KMT2D: variants seen among roughly 807,000 people sequenced by gnomAD.
The protein encoded by KMT2D is histone-lysine N-methyltransferase 2D.
Under a neutral mutation model 512.7 loss-of-function variants are expected in KMT2D, and 55 were observed. The observed-to-expected ratio is 0.11, with a 90% CI of 0.09 to 0.13. KMT2D has a LOEUF of 0.13. Ranked by LOEUF, KMT2D falls within the 10% of genes least tolerant of loss-of-function variation. The pLI is 1.00. For missense variants in KMT2D, 6,061 were observed against 7,127.9 expected (o/e 0.85, Z 5.39); for synonymous variants, 2,995 against 2,904.0 (o/e 1.03, Z -1.01).
Position 49,042,641 on chromosome 12 carries a change from T to A in KMT2D, c.5787A>T (p.Gly1929=), listed in dbSNP as rs1344957865. Reference sequence around the variant, plus strand: ...TGGAGGGCAGATTGCCCAAAGGGAGTCCACCTACAAGACGGACAGGATCAG... The same window carrying A: ...TGGAGGGCAGATTGCCCAAAGGGAGACCACCTACAAGACGGACAGGATCAG... ...TPLQRPFLQG[G]LPLGNLPSSS... is the part of the protein sequence containing the mutation. Residue 1929 remains glycine (G), a synonymous_variant, in exon 28 of 55, where the codon GGA becomes GGT. Transcript: ENST00000301067. This position sits in a 1 kb window ranked among gnomAD's most constrained non-coding sequence, Gnocchi z 4.4. 4 of 1,612,212 alleles carry A rather than the reference T, an allele frequency of 2.5e-6. No homozygotes were observed. Among genetic ancestry groups the A allele is most frequent in the African/African-American group, 2.7e-5 (2 of 74,524 alleles).
rs1011528886 is a variant in KMT2D at position 49,020,145 on chromosome 12, G to A, written c.*1635C>T. On this transcript the variant is annotated 3_prime_UTR_variant, in exon 55 of 55. Coordinates refer to ENST00000301067, the MANE Select transcript of KMT2D (RefSeq NM_003482.4). ...AGCTTGGGCAGAAAGGGGAAGGAAAGGGAGGCAAGGAACCCATCACCCTCT... is the reference window on the plus strand; with the variant it reads ...AGCTTGGGCAGAAAGGGGAAGGAAAAGGAGGCAAGGAACCCATCACCCTCT... 5.4e-6 allele frequency: 1 copy of A among 185,212 alleles called. No homozygotes were observed. Among genetic ancestry groups the A allele is most frequent in the Non-Finnish European group, 1.1e-5 (1 of 87,208 alleles). The allele number at this position is 185,212 out of a possible 1,614,324, so 11.5% of individuals were successfully genotyped here.
chr12:49,040,273 G>C lies in KMT2D; in HGVS notation c.7497C>G (p.Pro2499=), dbSNP rs201218526. 1 of 1,609,036 alleles carries C rather than the reference G, an allele frequency of 6.2e-7. No individual in the cohort carries two copies. Among genetic ancestry groups the C allele is most frequent in the Non-Finnish European group, 8.5e-7 (1 of 1,177,296 alleles). Residue 2499 remains proline, a synonymous_variant, in exon 32 of 55, where the codon CCC becomes CCG. Transcript: ENST00000301067. The stretch of plus-strand genomic sequence containing the variant: ...CATGGAGCTCACCTGCTGGCCCCGC[G>C]GGCAGGGCTGCTGGGAACCCCCCAG... ...LGAGGFPAAL[P]AGPAGELHAK...
rs1214778118 is a variant in KMT2D at position 49,060,157 on chromosome 12, G to A, written c.-582C>T. ...CGCCCGGGGCCGCGCGAGCTACGGC[G>A]ACGCGGGGCCGGCGGGGCCGCGGGG... On this transcript the variant is annotated 5_prime_UTR_variant, in exon 1 of 55. Coordinates refer to ENST00000301067, the MANE Select transcript of KMT2D (RefSeq NM_003482.4). 6.6e-6 allele frequency among the ~76,000 whole-genome samples: 1 copy of A among 151,066 alleles called. No homozygotes were observed. Among genetic ancestry groups the A allele is most frequent in the Non-Finnish European group, 1.5e-5 (1 of 67,674 alleles).
rs757405824 is a variant in KMT2D, at chr12:49,046,659, G to A, written c.4368C>T (p.Cys1456=). Residue 1456 remains cysteine (C), a synonymous_variant, in exon 16 of 55, where the codon TGC becomes TGT. Coordinates refer to ENST00000301067, the MANE Select transcript of KMT2D (RefSeq NM_003482.4). The surrounding 1 kb of genome is among the most constrained non-coding windows in gnomAD (Gnocchi z 4.2). ...GGACGGTGAGCAGTGGGGGGTCCAG[G>A]CAGTATGTGTGGTAGCTAATATCAC... ...DDCDISYHTY[C]LDPPLLTVPK... The A allele has an allele frequency of 8.7e-6, 14 of 1,613,838 alleles. No individual in the cohort carries two copies. The Admixed American group carries it at 2.3e-4, about 27-fold the overall frequency.
chr12:49,026,873 G>A lies in KMT2D; in HGVS notation c.15093C>T (p.Arg5031=). 1 of 1,614,014 alleles carries A rather than the reference G, an allele frequency of 6.2e-7. No homozygotes were observed. The highest frequency in any genetic ancestry group is 8.5e-7 in the Non-Finnish European group (1 of 1,179,898). Residue 5031 remains arginine (R), a synonymous_variant, in exon 49 of 55, where the codon CGC becomes CGT. Transcript: ENST00000301067. The surrounding 1 kb of genome is among the most constrained non-coding windows in gnomAD (Gnocchi z 9.6). ...CACCCTCCTCATGACAGAAACAGCA[G>A]CGACGCATGTCTCGCGGTACCTTGT... The part of the protein sequence containing the change: ...RPDKVPRDMR[R]CCFCHEEGDG...
In KMT2D at chr12:49,032,515, C is replaced by T. The variant is rs1369666889; in HGVS notation, c.12190G>A (p.Glu4064Lys). 6 of 1,588,574 alleles carry T rather than the reference C, an allele frequency of 3.8e-6. No individual in the cohort carries two copies. The highest frequency in any genetic ancestry group is 5.1e-6 in the Non-Finnish European group (6 of 1,167,484). The change falls in exon 40 of 55, where the codon GAG (glutamate) becomes AAG (lysine). Residue 4064 changes from glutamate (E) to lysine (K), a missense_variant. Physicochemically the swap from Glu to Lys is moderately conservative, Grantham distance 56. Coordinates refer to ENST00000301067, the MANE Select transcript of KMT2D (RefSeq NM_003482.4). Reference sequence around the variant, plus strand: ...TCCCCAGAGAGTGAGGGCTTTACCTCTCCTGGTTCAGTGGCCATTGACTCA... The same window carrying T: ...TCCCCAGAGAGTGAGGGCTTTACCTTTCCTGGTTCAGTGGCCATTGACTCA... ...TPESMATEPG[E>K]VKPSLSGDSQ... is the part of the protein sequence containing the mutation.
At chr12:49,027,773 C>T in intron 48 of KMT2D, 30 bp downstream of exon 48, 5 of 1,552,476 alleles carry the variant, frequency 3.2e-6, no homozygotes, top group Non-Finnish European at 4.4e-6. Flanking sequence ...TTTTTTCTAA[C>T]ACCCACCCCT....
chr12:49,050,557 G>A lies in KMT2D; in HGVS notation c.3031C>T (p.Pro1011Ser). Residue 1011 changes from proline (P) to serine (S), a missense_variant, in exon 12 of 55, where the codon CCG (proline) becomes TCG (serine). Pro to Ser is a moderately conservative substitution (Grantham distance 74). This residue lies in a region of KMT2D where 447 missense variants were observed against 500.1 expected (regional missense o/e 0.89). Transcript: ENST00000301067. Reference protein sequence around the residue: ...LPPSPGSPVGPASPILMEPLP... With the variant: ...LPPSPGSPVGSASPILMEPLP... ...GGCTCCATCAGGATGGGAGAAGCCG[G>A]CCCCACTGGGGAGCCTGGAGATGGG... is the stretch of plus-strand genomic sequence containing the variant. The A allele has an allele frequency of 6.2e-7, 1 of 1,604,382 alleles. No homozygotes were observed. The highest frequency in any genetic ancestry group is 8.5e-7 in the Non-Finnish European group (1 of 1,173,124).
rs2120438056 is a variant in KMT2D at position 49,033,037 on chromosome 12, T to A, written c.11668A>T (p.Ser3890Cys). The A allele has an allele frequency of 6.4e-7, 1 of 1,551,278 alleles. No individual in the cohort carries two copies. The highest frequency in any genetic ancestry group is 8.7e-7 in the Non-Finnish European group (1 of 1,146,876). Residue 3890 changes from serine (S) to cysteine (C), a missense_variant, in exon 40 of 55, where the codon AGC (serine) becomes TGC (cysteine). Physicochemically the swap from Ser to Cys is moderately radical, Grantham distance 112. Coordinates refer to ENST00000301067, the MANE Select transcript of KMT2D (RefSeq NM_003482.4). Reference sequence around the variant, plus strand: ...TGTAAAGAGCCCATGGGCTGAGCGCTCAGTTTGGGCTGCCCACTGTGTGAC... The same window carrying A: ...TGTAAAGAGCCCATGGGCTGAGCGCACAGTTTGGGCTGCCCACTGTGTGAC... ...LMSHSGQPKL[S>C]AQPMGSLQQL...
rs757630906 is a variant in KMT2D, at chr12:49,022,103, T to C, written c.16461A>G (p.Thr5487=). Reference sequence around the variant, plus strand: ...TGATGATTTTGTCCTCTTTGTCAAATGTCACGACTTCGGCCACACAGTTAG... The same window carrying C: ...TGATGATTTTGTCCTCTTTGTCAAACGTCACGACTTCGGCCACACAGTTAG... ...CAPNCVAEVV[T]FDKEDKIIII... Residue 5487 remains threonine, a synonymous_variant, in exon 54 of 55, where the codon ACA becomes ACG. Transcript: ENST00000301067. This position sits in a 1 kb window ranked among gnomAD's most constrained non-coding sequence, Gnocchi z 8.6. The C allele has an allele frequency of 7.3e-5, 118 of 1,613,888 alleles. No individual in the cohort carries two copies. The highest frequency in any genetic ancestry group is 9.7e-5 in the Non-Finnish European group (114 of 1,179,884).
In KMT2D at chr12:49,044,566, G is replaced by A. The variant is rs761766564; in HGVS notation, c.4964-44C>T. 1 of 1,606,504 alleles carries A rather than the reference G, an allele frequency of 6.2e-7. No individual in the cohort carries two copies. The highest frequency in any genetic ancestry group is 1.3e-5 in the African/African-American group (1 of 74,654). On this transcript the variant is annotated intron_variant, in intron 20 of 54. Transcript: ENST00000301067. This position sits in a 1 kb window ranked among gnomAD's most constrained non-coding sequence, Gnocchi z 6.4. ...GAGATGGAGGCAAATCAGAACTATA[G>A]GCCCTTTTAACCTTGTCATCCTGCC...
chr12:49,025,762 A>G (rs1250767872), intron 49 of KMT2D, among the ~76,000 whole-genome samples: 1 of 152,232 alleles, frequency 6.6e-6, no homozygotes. Context: ...CTCACAGTAC[A>G]CACTCAAAAA....
rs780560503 is a variant in KMT2D, at chr12:49,046,579, G to A, written c.4418+30C>T. 6.3e-7 allele frequency: 1 copy of A among 1,598,206 alleles called. No individual in the cohort carries two copies. Among genetic ancestry groups the A allele is most frequent in the Non-Finnish European group, 8.5e-7 (1 of 1,169,594 alleles). ...TCCACTTTAACATCTCAAGGCCCCA[G>A]GGCTCCACTGAAGATCCCAGTCTCC... On this transcript the variant is annotated intron_variant, in intron 16 of 54. Coordinates refer to ENST00000301067, the MANE Select transcript of KMT2D (RefSeq NM_003482.4). This position sits in a 1 kb window ranked among gnomAD's most constrained non-coding sequence, Gnocchi z 4.2.
Position 49,039,362 on chromosome 12 carries a change from G to T in KMT2D, c.8230-4C>A. The T allele has an allele frequency of 1.2e-6, 2 of 1,612,142 alleles. No homozygotes were observed. Among genetic ancestry groups the T allele is most frequent in the Non-Finnish European group, 1.7e-6 (2 of 1,179,016 alleles). ...ACCCCACAAGGCTGCTCTTGTCCTA[G>T]AAGAGACAAGGTAGATGAAGGTGGA... On this transcript the variant is annotated splice_region_variant and splice_polypyrimidine_tract_variant and intron_variant, in intron 33 of 54. Coordinates refer to ENST00000301067, the MANE Select transcript of KMT2D (RefSeq NM_003482.4). This position sits in a 1 kb window ranked among gnomAD's most constrained non-coding sequence, Gnocchi z 5.0.
Position 49,028,905 on chromosome 12 carries a change from G to A in KMT2D, c.14305C>T (p.Leu4769=), listed in dbSNP as rs2120387644. 6.2e-7 allele frequency: 1 copy of A among 1,614,034 alleles called. No individual in the cohort carries two copies. Among genetic ancestry groups the A allele is most frequent in the Non-Finnish European group, 8.5e-7 (1 of 1,179,892 alleles). ...CCCTTTTCCCAAGTTGTGACAGGCA[G>A]CTTTCCAGGGACCTCCAGGCCAAGG... ...GALGLEVPGK[L]PVTTWEKGKG... The change falls in exon 46 of 55, where the codon CTG becomes TTG. Residue 4769 remains leucine, a synonymous_variant. Transcript: ENST00000301067.
chr12:49,044,075 A>G lies in KMT2D; in HGVS notation c.5189-77T>C. The stretch of plus-strand genomic sequence containing the variant: ...ACTTGCAGGGTGACACTTTGTGCCT[A>G]CTCTCTCCCACAACACCAGCTGGGT... On this transcript the variant is annotated intron_variant, in intron 22 of 54. Transcript: ENST00000301067. This position sits in a 1 kb window ranked among gnomAD's most constrained non-coding sequence, Gnocchi z 6.4. 1 of 1,598,690 alleles carries G rather than the reference A, an allele frequency of 6.3e-7. No individual in the cohort carries two copies. The highest frequency in any genetic ancestry group is 8.5e-7 in the Non-Finnish European group (1 of 1,171,596).
intron 12 of KMT2D, 44 bp from the exon 13 acceptor site, chr12:49,049,262 AGT>A: frequency 7.8e-7 from 1 of 1,274,186 alleles, no homozygotes; most frequent in Non-Finnish European, 1.1e-6. Context: ...GTCAAGGGCT[AGT>A]GTGTTGGGTT....
At chr12:49,025,291 T>C (rs1942518156) in intron 49 of KMT2D, among the ~76,000 whole-genome samples, 1 of 152,180 alleles carries the variant, frequency 6.6e-6, no homozygotes, top group African/African-American at 2.4e-5. Context: ...TTGAGCCAAA[T>C]ACAGTCACGT....
rs535774098 is a variant in KMT2D at position 49,024,323 on chromosome 12, A to T, written c.16052+255T>A. Among the ~76,000 whole-genome samples, 15 of 152,180 alleles carry T rather than the reference A, an allele frequency of 9.9e-5. No homozygotes were observed. Among genetic ancestry groups the T allele is most frequent in the Non-Finnish European group, 1.6e-4 (11 of 67,990 alleles). The stretch of plus-strand genomic sequence containing the variant: ...TCCCTTATATATTTCATAAAATTTC[A>T]CCAGTTTACCCATTACCTCCCCAGG... On this transcript the variant is annotated intron_variant, in intron 51 of 54. Transcript: ENST00000301067. The surrounding 1 kb of genome is among the most constrained non-coding windows in gnomAD (Gnocchi z 4.5).
Sources: allele counts gnomAD v4.1 joint callset (sites outside exome capture counted in the v4.1 genomes callset), GRCh38; gene constraint gnomAD v4.1.1; regional missense constraint gnomAD v4.1.1; non-coding constraint Gnocchi (gnomAD v3.1); transcripts MANE v1.5; gene names NCBI Gene and HGNC (gene_info 2026-07-23, HGNC 2026-07-21).